The following USPL1 variants were observed in gnomAD, a reference collection of about 807,000 sequenced individuals.
USPL1 encodes ubiquitin specific peptidase like 1.
In USPL1, 27 loss-of-function variants were observed where a neutral mutation model predicts 51.5. The ratio of observed to expected loss-of-function variants is 0.52; its 90% CI spans 0.39 to 0.72. USPL1 has a LOEUF of 0.72. USPL1 is among the 30% of genes least tolerant of loss of function. USPL1 has a pLI of 0.00. For missense variants in USPL1, 1,226 were observed against 1,268.0 expected, an observed-to-expected ratio of 0.97 and a Z score of 0.50; for synonymous variants, 451 against 459.6, an observed-to-expected ratio of 0.98 and a Z score of 0.24.
At chr13:30,653,413 ACT>A in intron 8 of USPL1, 108 bp downstream of exon 8, 1 of 1,138,602 alleles carries the variant, frequency 8.8e-7, no homozygotes, top group Non-Finnish European at 1.2e-6. Flanking sequence ...CTTTGTCCTG[ACT>A]CTTTCTCTCT....
At position 30,631,430 on chromosome 13, in the gene USPL1, A is replaced by G; in HGVS notation, c.824A>G (p.Gln275Arg). ...IFWRLLTKYN[Q>R]ANTLLYTSQL... ...TGGCGGTTGCTTACAAAATATAATCAAGCAAATACACTTCTATATACCAGT... is the reference window on the plus strand; with the variant it reads ...TGGCGGTTGCTTACAAAATATAATCGAGCAAATACACTTCTATATACCAGT... Residue 275 changes from glutamine to arginine, a missense_variant, in exon 4 of 9, where the codon CAA becomes CGA. Gln to Arg is a conservative substitution (Grantham distance 43). Transcript: ENST00000255304. 2 of 1,614,172 alleles carry G rather than the reference A, an allele frequency of 1.2e-6. No homozygotes were observed. The highest frequency in any genetic ancestry group is 1.7e-6 in the Non-Finnish European group (2 of 1,180,010).
chr13:30,628,043 ATTTTTTTTT>A (rs202119827), intron 3 of USPL1, among the ~76,000 whole-genome samples: 53,334 of 127,290 alleles, frequency 0.42, 10,408 homozygotes, highest in Middle Eastern at 0.58. Context: ...TGCCTGGCTA[ATTTTTTTTT>A]TTTTTTTTTT....
At chr13:30,646,848 A>C in intron 6 of USPL1, 84 bp from the exon 7 acceptor site, 1 of 1,421,046 alleles carries the variant, frequency 7.0e-7, no homozygotes, top group African/African-American at 1.4e-5. Context: ...ATCACGAAAA[A>C]GGGGAGGAAT....
At chr13:30,618,560 G>A (rs903932029) in intron 1 of USPL1, among the ~76,000 whole-genome samples, 3 of 151,878 alleles carry the variant, frequency 2.0e-5, no homozygotes, top group Non-Finnish European at 2.9e-5. Flanking sequence ...TGTTTCCCTG[G>A]GTTTCTCCAT....
rs372178207 is a variant in USPL1 at position 30,630,870 on chromosome 13, C to T, written c.264C>T (p.Asn88=). 14 of 1,612,546 alleles carry T rather than the reference C, an allele frequency of 8.7e-6. No homozygotes were observed. The highest frequency in any genetic ancestry group is 1.3e-5 in the African/African-American group (1 of 74,836). Residue 88 remains asparagine (N), a synonymous_variant, in exon 4 of 9, where the codon AAC becomes AAT. Transcript: ENST00000255304. ...IYPLGSKSLN[N]LISPDLEECH... is the part of the protein sequence containing the mutation. Reference sequence around the variant, plus strand: ...CTTTGGGCTCTAAATCACTTAATAACCTAATTTCTCCTGATTTGGAAGAAT... The same window carrying T: ...CTTTGGGCTCTAAATCACTTAATAATCTAATTTCTCCTGATTTGGAAGAAT...
chr13:30,654,950 T>C (rs1237727632), intron 8 of USPL1, among the ~76,000 whole-genome samples: 2 of 152,098 alleles, frequency 1.3e-5, no homozygotes, highest in African/African-American at 2.4e-5. Context: ...ATATGTTTTT[T>C]TTTTTGAGAT....
chr13:30,619,171 T>C (rs941147502), intron 1 of USPL1, among the ~76,000 whole-genome samples: 4 of 152,096 alleles, frequency 2.6e-5, no homozygotes, highest in African/African-American at 9.7e-5. Context: ...AGGGTCAAAT[T>C]AAGTTGTAAA....
chr13:30,639,429 T>A (rs1381632956), intron 5 of USPL1, among the ~76,000 whole-genome samples: 1 of 152,112 alleles, frequency 6.6e-6, no homozygotes, highest in Non-Finnish European at 1.5e-5. Flanking sequence ...TTATTTTTCA[T>A]GGACTTATAC....
Position 30,659,454 on chromosome 13 carries a change from CTTGT to C in USPL1, c.*99_*102del. The C allele has an allele frequency of 1.8e-6, 2 of 1,110,400 alleles. No individual in the cohort carries two copies. The highest frequency in any genetic ancestry group is 2.5e-6 in the Non-Finnish European group (2 of 809,904). The allele number at this position is 1,110,400 out of a possible 1,614,324, so 68.8% of individuals were successfully genotyped here. On this transcript the variant is annotated 3_prime_UTR_variant, in exon 9 of 9. Transcript: ENST00000255304. ...TTTATACACTGGACTTGTGTAATTA[CTTGT>C]GTAATAACCATGAACAAAATGCAAG...
Position 30,658,187 on chromosome 13 carries a change from C to T in USPL1, c.2110C>T (p.Gln704Ter), listed in dbSNP as rs762356190. The change falls in exon 9 of 9, where the codon CAA (glutamine) becomes TAA (stop). Residue 704 changes from glutamine (Q) to a stop codon, truncating the protein, a stop_gained. Transcript: ENST00000255304. LOFTEE classifies it low-confidence loss of function (END_TRUNC). ...VEIEKDAQLK[Q>*]FLTPKTEQLK... ...AATTGAGAAGGACGCTCAGTTAAAA[C>T]AATTCCTTACACCAAAAACTGAACA... 1 of 1,612,756 alleles carries T rather than the reference C, an allele frequency of 6.2e-7. No homozygotes were observed. Among genetic ancestry groups the T allele is most frequent in the Non-Finnish European group, 8.5e-7 (1 of 1,179,710 alleles).
At chr13:30,633,383 C>T (rs1397828784) in intron 4 of USPL1, among the ~76,000 whole-genome samples, 2 of 151,830 alleles carry the variant, frequency 1.3e-5, no homozygotes, top group South Asian at 2.1e-4. Flanking sequence ...GGAAGGTATC[C>T]CTCTCAGATA....
At chr13:30,652,740 C>T (rs1868641412) in intron 7 of USPL1, among the ~76,000 whole-genome samples, 2 of 152,128 alleles carry the variant, frequency 1.3e-5, no homozygotes, top group African/African-American at 2.4e-5. Context: ...CACATGTTAC[C>T]TACCCCACTT....
At position 30,657,661 on chromosome 13, in the gene USPL1, A is replaced by G; in HGVS notation, c.1584A>G (p.Pro528=). ...NDQHALSNEK[P]VSLTSCSVGD... ...AACACGCTCTCAGTAATGAGAAACCAGTATCTTTAACATCGTGTTCTGTGG... is the reference window on the plus strand; with the variant it reads ...AACACGCTCTCAGTAATGAGAAACCGGTATCTTTAACATCGTGTTCTGTGG... The change falls in exon 9 of 9, where the codon CCA becomes CCG. Residue 528 remains proline (P), a synonymous_variant. Coordinates refer to ENST00000255304, the MANE Select transcript of USPL1 (RefSeq NM_005800.5). The G allele has an allele frequency of 6.2e-7, 1 of 1,614,174 alleles. No homozygotes were observed. The highest frequency in any genetic ancestry group is 8.5e-7 in the Non-Finnish European group (1 of 1,180,000).
At chr13:30,647,676 C>T (rs947573346) in intron 7 of USPL1, among the ~76,000 whole-genome samples, 19 of 152,136 alleles carry the variant, frequency 1.2e-4, no homozygotes, top group African/African-American at 4.6e-4. Context: ...AATGCACTCA[C>T]ACATGTACAC....
intron 8 of USPL1, among the ~76,000 whole-genome samples, chr13:30,656,815 C>G (rs945943775): frequency 6.6e-6 from 1 of 152,012 alleles, no homozygotes; most frequent in South Asian, 2.1e-4. Flanking sequence ...TTCTCTACAT[C>G]CTTGCCAACA....
chr13:30,649,713 A>T (rs1199007558), intron 7 of USPL1, among the ~76,000 whole-genome samples: 1 of 152,224 alleles, frequency 6.6e-6, no homozygotes, highest in South Asian at 2.1e-4. Context: ...CAGGGACGCG[A>T]TATTTCTCTG....
intron 8 of USPL1, among the ~76,000 whole-genome samples, chr13:30,656,439 C>T (rs1172280473): frequency 6.6e-6 from 1 of 152,164 alleles, no homozygotes; most frequent in Non-Finnish European, 1.5e-5. Flanking sequence ...CTAGATACCT[C>T]ATAGAAGTGG....
intron 5 of USPL1, 34 bp from the exon 6 acceptor site, chr13:30,642,593 AT>A (rs1276496512): frequency 4.4e-6 from 7 of 1,591,216 alleles, no homozygotes; most frequent in Non-Finnish European, 5.1e-6. Context: ...GCCATTATTG[AT>A]TATGAGCAGT....
Position 30,653,166 on chromosome 13 carries a change from G to A in USPL1, c.1257G>A (p.Met419Ile). The A allele has an allele frequency of 6.2e-7, 1 of 1,602,792 alleles. No individual in the cohort carries two copies. Among genetic ancestry groups the A allele is most frequent in the African/African-American group, 1.3e-5 (1 of 74,714 alleles). The change falls in exon 8 of 9, where the codon ATG (methionine) becomes ATA (isoleucine). Residue 419 changes from methionine (M) to isoleucine (I), a missense_variant. Coordinates refer to ENST00000255304, the MANE Select transcript of USPL1 (RefSeq NM_005800.5). ...CCCACAGAGTATCTCCCATATTCAT[G>A]TTGCACTTTGTAGAAGGCTTACCAC... ...MVLEKVSPIF[M>I]LHFVEGLPQN...
Sources: gnomAD v4.1 joint callset for allele counts (sites outside exome capture counted in the v4.1 genomes callset) on GRCh38, gnomAD v4.1.1 for gene constraint, MANE v1.5 for transcripts, NCBI Gene and HGNC (gene_info 2026-07-23, HGNC 2026-07-21) for gene names.